Variants in LMTK2 observed in about 807,000 individuals in gnomAD.
LMTK2 encodes the protein serine/threonine-protein kinase LMTK2.
LMTK2 carries 37 observed loss-of-function variants against 127.5 expected under a neutral mutation model. The ratio of observed to expected loss-of-function variants is 0.29; its 90% CI spans 0.22 to 0.38. LMTK2 has a LOEUF of 0.38. Among genes scored for constraint, LMTK2 ranks in the 10% least tolerant of loss-of-function variants. The probability of loss-of-function intolerance (pLI) is 1.00; values close to 1 mark genes in which losing one functional copy is unlikely to be tolerated. For missense variants in LMTK2, 1,694 were observed against 1,920.3 expected, an observed-to-expected ratio of 0.88 and a Z score of 2.20; for synonymous variants, 819 against 810.1, an observed-to-expected ratio of 1.01 and a Z score of -0.19.
chr7:98,188,895 C>CT (rs577304418), intron 9 of LMTK2, among the ~76,000 whole-genome samples: 1 of 152,150 alleles, frequency 6.6e-6, no homozygotes, highest in Non-Finnish European at 1.5e-5. Flanking sequence ...CTTAAATAGC[C>CT]TTTCTCTGCC....
At chr7:98,201,733 C>T (rs912045039) in intron 11 of LMTK2, among the ~76,000 whole-genome samples, 1 of 152,174 alleles carries the variant, frequency 6.6e-6, no homozygotes, top group African/African-American at 2.4e-5. Flanking sequence ...CCTCAGCCTC[C>T]TGAGTAGCTG....
rs749080177 is a variant in LMTK2 at position 98,171,586 on chromosome 7, G to C, written c.703G>C (p.Gly235Arg). The C allele has an allele frequency of 6.2e-7, 1 of 1,613,624 alleles. No homozygotes were observed. The highest frequency in any genetic ancestry group is 1.1e-5 in the South Asian group (1 of 91,048). ...GCGCAGCGAGCAGGAGCACATGCGG[G>C]GGGACTCACAGACCATGCTGCTGCA... Reference protein sequence around the residue: ...YLRSEQEHMRGDSQTMLLQRM... With the variant: ...YLRSEQEHMRRDSQTMLLQRM... The change falls in exon 7 of 14, where the codon GGG becomes CGG. Residue 235 changes from glycine to arginine, a missense_variant. Physicochemically the swap from Gly to Arg is moderately radical, Grantham distance 125 (BLOSUM62 -2). Around this residue, in one of 8 missense-constraint regions of LMTK2, gnomAD observed 203 missense variants for 226.2 expected, o/e 0.90. Coordinates refer to ENST00000297293, the MANE Select transcript of LMTK2 (RefSeq NM_014916.4). This position sits in a 1 kb window ranked among gnomAD's most constrained non-coding sequence, Gnocchi z 5.1.
intron 3 of LMTK2, 103 bp downstream of exon 3, chr7:98,141,644 G>T (rs1322597335): frequency 1.8e-6 from 2 of 1,124,870 alleles, no homozygotes; most frequent in African/African-American, 1.6e-5. Flanking sequence ...CTCCTCTTTG[G>T]TTTATTTCTC....
intron 11 of LMTK2, among the ~76,000 whole-genome samples, chr7:98,200,811 T>C (rs193284496): frequency 6.6e-6 from 1 of 152,096 alleles, no homozygotes; most frequent in African/African-American, 2.4e-5. Flanking sequence ...TACTGTATTA[T>C]TTATTTTGTT....
At chr7:98,178,500 T>C (rs1035481090) in intron 7 of LMTK2, among the ~76,000 whole-genome samples, 2 of 152,138 alleles carry the variant, frequency 1.3e-5, no homozygotes, top group Non-Finnish European at 2.9e-5. Context: ...GCTGCCAAGC[T>C]CAGGCGACGC....
Position 98,154,839 on chromosome 7 carries a change from G to A in LMTK2, c.532G>A (p.Glu178Lys). Residue 178 changes from glutamate (E) to lysine (K), a missense_variant, in exon 5 of 14, where the codon GAA becomes AAA. Around this residue, in one of 8 missense-constraint regions of LMTK2, gnomAD observed 203 missense variants for 226.2 expected, o/e 0.90. Transcript: ENST00000297293. The stretch of plus-strand genomic sequence containing the variant: ...GTTAAAAGCAAGTGCCAACCCAAAG[G>A]AACAAGATACTTTTTTGAAAAATGG... The part of the protein sequence containing the change: ...KELKASANPK[E>K]QDTFLKNGEP... 1 of 1,612,964 alleles carries A rather than the reference G, an allele frequency of 6.2e-7. No homozygotes were observed. Among genetic ancestry groups the A allele is most frequent in the Admixed American group, 1.7e-5 (1 of 60,014 alleles).
At position 98,186,872 on chromosome 7, in the gene LMTK2, A is replaced by C. The variant is rs1175309231; in HGVS notation, c.877-5A>C. 1 of 1,610,814 alleles carries C rather than the reference A, an allele frequency of 6.2e-7. No individual in the cohort carries two copies. The highest frequency in any genetic ancestry group is 1.1e-5 in the South Asian group (1 of 90,534). On this transcript the variant is annotated splice_region_variant and splice_polypyrimidine_tract_variant and intron_variant, in intron 8 of 13. Transcript: ENST00000297293. The stretch of plus-strand genomic sequence containing the variant: ...CAAAATTCTGTGTGCTTTCTAACAA[A>C]ACAGGAGGATTATATTGAAACAGAT...
In LMTK2 at chr7:98,160,540, G is replaced by A. The variant is rs935695065; in HGVS notation, c.657+1115G>A. Among the ~76,000 whole-genome samples, 9 of 151,988 alleles carry A rather than the reference G, an allele frequency of 5.9e-5. No individual in the cohort carries two copies. In the Middle Eastern group the frequency reaches 0.017, roughly 287 times the overall value. ...TTCACTCTAGGATCAGTGTTTTTTC[G>A]TGCCTGTAGATGCTGGAAAAGAAAA... On this transcript the variant is annotated intron_variant, in intron 6 of 13. Transcript: ENST00000297293.
intron 1 of LMTK2, among the ~76,000 whole-genome samples, chr7:98,116,057 A>G (rs1211405589): frequency 6.6e-6 from 1 of 151,744 alleles, no homozygotes; most frequent in Non-Finnish European, 1.5e-5. Context: ...GCCAATTTTT[A>G]CTTTTTGTAG....
intron 6 of LMTK2, among the ~76,000 whole-genome samples, chr7:98,163,452 G>A (rs1797043304): frequency 6.6e-6 from 1 of 152,250 alleles, no homozygotes; most frequent in African/African-American, 2.4e-5. Context: ...CATAAACACA[G>A]GGTGCCACCA....
chr7:98,140,051 C>T (rs1028860674), intron 2 of LMTK2, among the ~76,000 whole-genome samples: 1 of 151,880 alleles, frequency 6.6e-6, no homozygotes, highest in Non-Finnish European at 1.5e-5. Flanking sequence ...AGCTTCCCAC[C>T]GAACGTCACG....
intron 7 of LMTK2, among the ~76,000 whole-genome samples, chr7:98,179,741 A>G (rs1480652650): frequency 6.6e-6 from 1 of 152,138 alleles, no homozygotes; most frequent in Non-Finnish European, 1.5e-5. Context: ...AGGTGTCCCA[A>G]GGTTTTTCCC....
chr7:98,133,268 T>C (rs752183859), intron 1 of LMTK2, among the ~76,000 whole-genome samples: 1 of 152,200 alleles, frequency 6.6e-6, no homozygotes, highest in Non-Finnish European at 1.5e-5. Flanking sequence ...ACGTATGCCC[T>C]TCTCAGTGCT....
intron 1 of LMTK2, among the ~76,000 whole-genome samples, chr7:98,132,418 T>C (rs1190586937): frequency 6.6e-6 from 1 of 152,132 alleles, no homozygotes. Context: ...GCCTGGCTAA[T>C]TTTTTGTATT....
At chr7:98,187,022 T>C (rs1797446434) in intron 9 of LMTK2, 24 bp downstream of exon 9, 1 of 1,595,992 alleles carries the variant, frequency 6.3e-7, no homozygotes, top group Middle Eastern at 1.7e-4. Flanking sequence ...TACCGTTTTA[T>C]TAGTCATTTC....
rs535853556 is a variant in LMTK2, at chr7:98,141,993, T to C, written c.376+452T>C. Among the ~76,000 whole-genome samples the C allele has an allele frequency of 1.5e-4, 23 of 152,292 alleles. No homozygotes were observed. The South Asian group carries it at 4.6e-3, about 30-fold the overall frequency. On this transcript the variant is annotated intron_variant, in intron 3 of 13. Coordinates refer to ENST00000297293, the MANE Select transcript of LMTK2 (RefSeq NM_014916.4). ...GTTTGGTTCTGTGTTAGTTGATGTC[T>C]TGTGAAAAAATAGAATGTGACTAGA... is the stretch of plus-strand genomic sequence containing the variant.
At chr7:98,141,250 G>A (rs950928770) in intron 2 of LMTK2, 147 bp from the exon 3 acceptor site, 3 of 664,166 alleles carry the variant, frequency 4.5e-6, no homozygotes, top group Non-Finnish European at 7.7e-6. Flanking sequence ...TGGAGTCAGA[G>A]AACAAAATTA....
intron 6 of LMTK2, among the ~76,000 whole-genome samples, chr7:98,163,659 G>A (rs974547487): frequency 1.3e-5 from 2 of 152,178 alleles, no homozygotes; most frequent in Non-Finnish European, 2.9e-5. Context: ...CCAGCCCAGG[G>A]AGCCAGAGAG....
rs760458654 is a variant in LMTK2, at chr7:98,191,979, A to C, written c.1514A>C (p.Tyr505Ser). ...GGCTTGTCCTACACGAGCATCTTCT[A>C]TCCGGTTGAAGTTTTTGAGAGTTCG... The part of the protein sequence containing the change: ...DEGLSYTSIF[Y>S]PVEVFESSLS... The change falls in exon 11 of 14, where the codon TAT (tyrosine) becomes TCT (serine). Residue 505 changes from tyrosine to serine, a missense_variant. This residue lies in a region of LMTK2 where 216 missense variants were observed against 266.8 expected (regional missense o/e 0.81). Coordinates refer to ENST00000297293, the MANE Select transcript of LMTK2 (RefSeq NM_014916.4). 1.9e-6 allele frequency: 3 copies of C among 1,613,886 alleles called. No individual in the cohort carries two copies. The highest frequency in any genetic ancestry group is 2.7e-5 in the African/African-American group (2 of 75,042).
Sources: gnomAD v4.1 joint callset for allele counts (sites outside exome capture counted in the v4.1 genomes callset) on GRCh38, gnomAD v4.1.1 for gene constraint, gnomAD v4.1.1 regional missense constraint, Gnocchi (gnomAD v3.1) non-coding constraint, MANE v1.5 for transcripts, NCBI Gene and HGNC (gene_info 2026-07-23, HGNC 2026-07-21) for gene names.